PROS1: variants seen among roughly 807,000 people sequenced by gnomAD.
The protein encoded by PROS1 is vitamin K-dependent protein S.
In PROS1, 29 loss-of-function variants were observed where a neutral mutation model predicts 75.9. That is an observed-to-expected ratio of 0.38 (90% CI 0.28 to 0.52). PROS1 has a LOEUF of 0.52. PROS1 is among the 20% of genes least tolerant of loss of function. The probability of loss-of-function intolerance (pLI) is 0.83; values close to 1 mark genes in which losing one functional copy is unlikely to be tolerated. For missense variants in PROS1, 680 were observed against 810.3 expected, an observed-to-expected ratio of 0.84 and a Z score of 1.95; for synonymous variants, 245 against 280.6, an observed-to-expected ratio of 0.87 and a Z score of 1.27.
chr3:93,969,190 G>A (rs564059378), intron 1 of PROS1, among the ~76,000 whole-genome samples: 9 of 137,480 alleles, frequency 6.5e-5, no homozygotes, highest in African/African-American at 2.5e-4. Flanking sequence ...TATCCATAAA[G>A]CATAGCACAG....
At position 93,896,763 on chromosome 3, in the gene PROS1, G is replaced by C. The variant is rs1371725757; in HGVS notation, c.850-72C>G. On this transcript the variant is annotated intron_variant, in intron 8 of 14. Coordinates refer to ENST00000394236, the MANE Select transcript of PROS1 (RefSeq NM_000313.4). Reference sequence around the variant, plus strand: ...AGGTTATTGCTTAATGTTTGTGTGAGGTCATGCATTTTTGTTTGGTTACTA... The same window carrying C: ...AGGTTATTGCTTAATGTTTGTGTGACGTCATGCATTTTTGTTTGGTTACTA... 9 of 1,142,822 alleles carry C rather than the reference G, an allele frequency of 7.9e-6. No homozygotes were observed. In the African/African-American group the frequency reaches 9.2e-5, roughly 12 times the overall value. The allele number at this position is 1,142,822 out of a possible 1,614,324, so 70.8% of individuals were successfully genotyped here. A position where few individuals can be genotyped will look rare whatever the true frequency, so the allele number is the denominator to read the frequency against.
Position 93,919,006 on chromosome 3 carries a change from A to G in PROS1, c.259+5234T>C, listed in dbSNP as rs547963708. ...TTTTATGATCAATCCATGCTGCTAC[A>G]TATAATTCATTGCTACTAACCACTA... On this transcript the variant is annotated intron_variant, in intron 3 of 14. Transcript: ENST00000394236. Among the ~76,000 whole-genome samples, 71 of 152,236 alleles carry G rather than the reference A, an allele frequency of 4.7e-4. No homozygotes were observed. The South Asian group carries it at 8.1e-3, about 17-fold the overall frequency.
chr3:93,922,232 C>G (rs755979932), intron 3 of PROS1, among the ~76,000 whole-genome samples: 2 of 152,004 alleles, frequency 1.3e-5, no homozygotes, highest in African/African-American at 2.4e-5. Flanking sequence ...AAAATAATTT[C>G]TTTTTTTTAT....
intron 4 of PROS1, 47 bp from the exon 5 acceptor site, chr3:93,906,190 A>G: frequency 6.2e-7 from 1 of 1,603,168 alleles, no homozygotes; most frequent in Non-Finnish European, 8.5e-7. Context: ...CATGTCATGG[A>G]AAAATAAAAT....
intron 1 of PROS1, among the ~76,000 whole-genome samples, chr3:93,965,561 A>C (rs1001047555): frequency 6.6e-6 from 1 of 152,198 alleles, no homozygotes; most frequent in African/African-American, 2.4e-5. Flanking sequence ...CATGAGGCCA[A>C]GAACCCCAGG....
At chr3:93,953,224 T>G (rs184087636) in intron 1 of PROS1, among the ~76,000 whole-genome samples, 2 of 152,318 alleles carry the variant, frequency 1.3e-5, no homozygotes, top group Non-Finnish European at 2.9e-5. Context: ...TAACTCATTT[T>G]ATGAGGCCAG....
chr3:93,965,538 A>T (rs1270427393), intron 1 of PROS1, among the ~76,000 whole-genome samples: 2 of 152,094 alleles, frequency 1.3e-5, no homozygotes, highest in Non-Finnish European at 2.9e-5. Context: ...CGAAGATTAC[A>T]TTCCTTGGAA....
intron 14 of PROS1, among the ~76,000 whole-genome samples, chr3:93,875,672 ATCTATC>A (rs1708174519): frequency 7.6e-6 from 1 of 131,116 alleles, no homozygotes; most frequent in Non-Finnish European, 1.7e-5. Flanking sequence ...CTATCTATCT[ATCTATC>A]ATCTATCTAT....
chr3:93,945,877 G>T (rs1484030558), intron 1 of PROS1, among the ~76,000 whole-genome samples: 6 of 152,154 alleles, frequency 3.9e-5, no homozygotes, highest in Admixed American at 6.5e-5. Flanking sequence ...TTGTCCCTGT[G>T]TGCAGATGAC....
intron 3 of PROS1, among the ~76,000 whole-genome samples, chr3:93,923,726 C>T (rs1242956842): frequency 2.6e-5 from 4 of 152,066 alleles, no homozygotes; most frequent in East Asian, 3.9e-4. Flanking sequence ...ATGGCGAAAC[C>T]CTGTCTCTAC....
intron 10 of PROS1, 82 bp from the exon 11 acceptor site, chr3:93,886,585 T>A: frequency 9.4e-7 from 1 of 1,062,920 alleles, no homozygotes; most frequent in Non-Finnish European, 1.4e-6. Flanking sequence ...ACTTATGTTA[T>A]TATTCCAATA....
At chr3:93,890,222 G>A (rs1268863725) in intron 10 of PROS1, among the ~76,000 whole-genome samples, 4 of 152,176 alleles carry the variant, frequency 2.6e-5, no homozygotes, top group Non-Finnish European at 4.4e-5. Context: ...GGTCAGACCA[G>A]TTCTCTGCTC....
chr3:93,923,754 G>T (rs1349336442), intron 3 of PROS1, among the ~76,000 whole-genome samples: 1 of 152,072 alleles, frequency 6.6e-6, no homozygotes, highest in Non-Finnish European at 1.5e-5. Context: ...ACAAAAATTA[G>T]CTGGGTGTGG....
At chr3:93,938,683 T>A (rs1368283589) in intron 1 of PROS1, among the ~76,000 whole-genome samples, 1 of 151,626 alleles carries the variant, frequency 6.6e-6, no homozygotes, top group East Asian at 2.1e-4. Flanking sequence ...CAATTCCAGT[T>A]TTTTTTCCTC....
chr3:93,965,517 C>T (rs1230942808), intron 1 of PROS1, among the ~76,000 whole-genome samples: 2 of 152,108 alleles, frequency 1.3e-5, no homozygotes, highest in Admixed American at 6.5e-5. Context: ...CTATAACACT[C>T]ACTGCATGGC....
chr3:93,945,561 C>T (rs1022964275), intron 1 of PROS1, among the ~76,000 whole-genome samples: 5 of 152,194 alleles, frequency 3.3e-5, no homozygotes. Context: ...ACAAAAACCA[C>T]ATGATTATCT....
At chr3:93,946,825 G>C (rs1709408738) in intron 1 of PROS1, among the ~76,000 whole-genome samples, 1 of 127,622 alleles carries the variant, frequency 7.8e-6, no homozygotes, top group Non-Finnish European at 1.6e-5. Flanking sequence ...TTAAACTAAA[G>C]AGCTTCTGCA....
At chr3:93,962,674 T>G (rs1435044857) in intron 1 of PROS1, among the ~76,000 whole-genome samples, 1 of 152,164 alleles carries the variant, frequency 6.6e-6, no homozygotes, top group African/African-American at 2.4e-5. Flanking sequence ...AATTCTGTCC[T>G]AAAACCATCT....
At chr3:93,927,050 G>A (rs1709028725) in intron 2 of PROS1, among the ~76,000 whole-genome samples, 200 bp downstream of exon 2, 2 of 152,226 alleles carry the variant, frequency 1.3e-5, no homozygotes, top group African/African-American at 2.4e-5. Flanking sequence ...AGAACAAGCT[G>A]TTATTGGTGA....
Sources: gnomAD v4.1 joint callset for allele counts (sites outside exome capture counted in the v4.1 genomes callset) on GRCh38, gnomAD v4.1.1 for gene constraint, MANE v1.5 for transcripts, NCBI Gene and HGNC (gene_info 2026-07-23, HGNC 2026-07-21) for gene names.